The following LTBP2 variants were observed in gnomAD, a reference collection of about 807,000 sequenced individuals.
LTBP2 encodes latent transforming growth factor beta binding protein 2.
LTBP2 carries 103 observed loss-of-function variants against 210.6 expected under a neutral mutation model. The observed-to-expected ratio is 0.49, with a 90% CI of 0.42 to 0.58. The LOEUF is 0.58. Among genes scored for constraint, LTBP2 ranks in the 20% least tolerant of loss-of-function variants. LTBP2 has a pLI of 0.00. For missense variants in LTBP2, 2,313 were observed against 2,494.5 expected, an observed-to-expected ratio of 0.93 and a Z score of 1.55; for synonymous variants, 1,007 against 1,015.0, an observed-to-expected ratio of 0.99 and a Z score of 0.15.
At chr14:74,601,835 A>G (rs954985488) in intron 2 of LTBP2, among the ~76,000 whole-genome samples, 2 of 152,144 alleles carry the variant, frequency 1.3e-5, no homozygotes, top group African/African-American at 4.8e-5. Context: ...GTTTTTTCAC[A>G]CACCTGGACT....
Position 74,586,228 on chromosome 14 carries a change from C to T in LTBP2, c.566-110G>A, listed in dbSNP as rs887244529. ...TCCTGAGTGCTGCAACCCTGTCGCT[C>T]AAGCAGGAAGCCACTCTCCTGGCCT... On this transcript the variant is annotated intron_variant, in intron 2 of 35. Transcript: ENST00000261978. The surrounding 1 kb of genome is among the most constrained non-coding windows in gnomAD (Gnocchi z 4.6). The T allele has an allele frequency of 3.1e-6, 4 of 1,284,622 alleles. No individual in the cohort carries two copies. The highest frequency in any genetic ancestry group is 3.2e-6 in the Non-Finnish European group (3 of 935,646). 79.6% of individuals were successfully genotyped at this position (1,284,622 alleles called of 1,614,324 possible).
intron 13 of LTBP2, 96 bp downstream of exon 13, chr14:74,527,251 C>G: frequency 7.0e-7 from 1 of 1,429,570 alleles, no homozygotes; most frequent in South Asian, 1.2e-5. Context: ...TTCTCCCTCT[C>G]CCTCCCTCAT....
rs1459130354 is a variant in LTBP2 at position 74,551,153 on chromosome 14, A to G, written c.1597T>C (p.Ser533Pro). The G allele has an allele frequency of 1.2e-6, 2 of 1,613,720 alleles. No homozygotes were observed. Among genetic ancestry groups the G allele is most frequent in the African/African-American group, 1.3e-5 (1 of 74,904 alleles). The change falls in exon 7 of 36, where the codon TCT becomes CCT. Residue 533 changes from serine to proline, a missense_variant. Around this residue, in one of 3 missense-constraint regions of LTBP2, gnomAD observed 1,867 missense variants for 1,976.9 expected, o/e 0.94. Transcript: ENST00000261978. ...GGCAGTGGCCGAGGGGGCTCTCCAG[A>G]CCGAGCAGGGATGTTGTTGCTGTCC... ...LWDSNNIPAR[S>P]GEPPRPLPPA... is the part of the protein sequence containing the mutation.
At chr14:74,558,063 G>A (rs1179045339) in intron 3 of LTBP2, among the ~76,000 whole-genome samples, 1 of 152,214 alleles carries the variant, frequency 6.6e-6, no homozygotes, top group Admixed American at 6.5e-5. Context: ...AGCCCTTGGT[G>A]ACCAGGCCAT....
At chr14:74,538,570 T>C (rs2087452147) in intron 8 of LTBP2, among the ~76,000 whole-genome samples, 1 of 152,178 alleles carries the variant, frequency 6.6e-6, no homozygotes, top group Non-Finnish European at 1.5e-5. Context: ...TGAACTGCAC[T>C]GTGTTGCAAT....
intron 3 of LTBP2, among the ~76,000 whole-genome samples, chr14:74,576,137 G>A (rs1428716012): frequency 6.6e-6 from 1 of 152,212 alleles, no homozygotes; most frequent in Non-Finnish European, 1.5e-5. Flanking sequence ...GGGCCAAGGG[G>A]CACAGGGTGA....
At chr14:74,507,017 A>G (rs1450117248) in intron 26 of LTBP2, among the ~76,000 whole-genome samples, 162 bp downstream of exon 26, 1 of 152,216 alleles carries the variant, frequency 6.6e-6, no homozygotes, top group Non-Finnish European at 1.5e-5. Flanking sequence ...CCTAACATTC[A>G]CAGTCCTGTG....
chr14:74,530,126 C>T (rs2087330810), intron 10 of LTBP2, among the ~76,000 whole-genome samples: 1 of 152,212 alleles, frequency 6.6e-6, no homozygotes. Flanking sequence ...ACCATATTCT[C>T]GTATCATCAC....
At position 74,508,619 on chromosome 14, in the gene LTBP2, C is replaced by T; in HGVS notation, c.3637G>A (p.Gly1213Ser). The T allele has an allele frequency of 6.2e-7, 1 of 1,609,170 alleles. No individual in the cohort carries two copies. Among genetic ancestry groups the T allele is most frequent in the Non-Finnish European group, 8.5e-7 (1 of 1,179,828 alleles). Residue 1213 changes from glycine (G) to serine (S), a missense_variant, in exon 24 of 36, where the codon GGC (glycine) becomes AGC (serine). Gly to Ser is a moderately conservative substitution (Grantham distance 56). Coordinates refer to ENST00000261978, the MANE Select transcript of LTBP2 (RefSeq NM_000428.3). The part of the protein sequence containing the change: ...CAPGFVSAEG[G>S]TSCQDVDECA... The stretch of plus-strand genomic sequence containing the variant: ...GGCTTCTCACCCTGGCAGCTGGTGC[C>T]CCCCTCTGCGCTGACGAAGCCAGGC...
intron 2 of LTBP2, among the ~76,000 whole-genome samples, chr14:74,587,792 A>C (rs1416770345): frequency 6.6e-6 from 1 of 152,132 alleles, no homozygotes; most frequent in Non-Finnish European, 1.5e-5. Context: ...CAGAATCCAA[A>C]CCAGGGGCTG....
At chr14:74,519,710 C>T (rs2087178234) in intron 17 of LTBP2, among the ~76,000 whole-genome samples, 1 of 152,166 alleles carries the variant, frequency 6.6e-6, no homozygotes, top group East Asian at 1.9e-4. Flanking sequence ...TCCCCGTTCC[C>T]CAGCTGCTGG....
Position 74,555,500 on chromosome 14 carries a change from T to C in LTBP2, c.1021+3A>G. On this transcript the variant is annotated splice_donor_region_variant and intron_variant, in intron 4 of 35. Coordinates refer to ENST00000261978, the MANE Select transcript of LTBP2 (RefSeq NM_000428.3). ...TCTAGGACCCAAGACAGGGTATCCT[T>C]ACCCCAGGGGGATGAGGGGTGCTCC... is the stretch of plus-strand genomic sequence containing the variant. The C allele has an allele frequency of 6.2e-7, 1 of 1,613,592 alleles. No individual in the cohort carries two copies. The highest frequency in any genetic ancestry group is 1.3e-5 in the African/African-American group (1 of 75,034).
intron 30 of LTBP2, among the ~76,000 whole-genome samples, chr14:74,504,260 A>C (rs1311605839): frequency 6.6e-6 from 1 of 152,238 alleles, no homozygotes; most frequent in East Asian, 1.9e-4. Context: ...AATATGTGTG[A>C]GGTGCTCAAA....
chr14:74,592,932 C>T (rs1421918409), intron 2 of LTBP2, among the ~76,000 whole-genome samples: 1 of 152,144 alleles, frequency 6.6e-6, no homozygotes, highest in Admixed American at 6.5e-5. Flanking sequence ...ATTTGGGCTC[C>T]TCCAGGACCC....
Position 74,609,795 on chromosome 14 carries a change from G to A in LTBP2, c.494+1656C>T, listed in dbSNP as rs745854680. On this transcript the variant is annotated intron_variant, in intron 1 of 35. Coordinates refer to ENST00000261978, the MANE Select transcript of LTBP2 (RefSeq NM_000428.3). ...GAAAGCATCTGTTCATTTCTTCAAC[G>A]TGATATTAAGTAATTGGGTTGCTCT... Among the ~76,000 whole-genome samples the A allele has an allele frequency of 4.8e-4, 73 of 152,180 alleles. 2 individuals carry two copies. Among genetic ancestry groups the A allele is most frequent in the Non-Finnish European group, 2.2e-4 (15 of 68,030 alleles).
At chr14:74,549,661 G>A (rs1345456148) in intron 8 of LTBP2, among the ~76,000 whole-genome samples, 1 of 152,254 alleles carries the variant, frequency 6.6e-6, no homozygotes, top group Non-Finnish European at 1.5e-5. Flanking sequence ...GGAGCAGGCA[G>A]GACAGACTGC....
rs1328729791 is a variant in LTBP2, at chr14:74,526,132, A to G, written c.2389-18T>C. On this transcript the variant is annotated intron_variant, in intron 13 of 35. Coordinates refer to ENST00000261978, the MANE Select transcript of LTBP2 (RefSeq NM_000428.3). ...GTCGTGACCTGCACAGAAACAGGAG[A>G]AGGTCACTTTTGGCTCCTCTGCCGT... 6.3e-7 allele frequency: 1 copy of G among 1,593,012 alleles called. No individual in the cohort carries two copies. Among genetic ancestry groups the G allele is most frequent in the South Asian group, 1.1e-5 (1 of 87,812 alleles).
At chr14:74,572,467 G>A (rs1291150333) in intron 3 of LTBP2, among the ~76,000 whole-genome samples, 2 of 138,800 alleles carry the variant, frequency 1.4e-5, no homozygotes, top group African/African-American at 2.6e-5. Context: ...TTTTTAAACT[G>A]TGATCATACT....
chr14:74,502,425 G>A (rs749423350), intron 34 of LTBP2: 139 of 650,142 alleles, frequency 2.1e-4, no homozygotes, highest in South Asian at 2.1e-3. Flanking sequence ...GACAGGGGCA[G>A]TGTCCTGTAC....
Sources: gnomAD v4.1 joint callset for allele counts (sites outside exome capture counted in the v4.1 genomes callset) on GRCh38, gnomAD v4.1.1 for gene constraint, gnomAD v4.1.1 regional missense constraint, Gnocchi (gnomAD v3.1) non-coding constraint, MANE v1.5 for transcripts, NCBI Gene and HGNC (gene_info 2026-07-23, HGNC 2026-07-21) for gene names.